The following GNG4 variants were observed in gnomAD, a reference collection of about 807,000 sequenced individuals.
The protein encoded by GNG4 is guanine nucleotide-binding protein G(I)/G(S)/G(O) subunit gamma-4.
GNG4 carries 4 observed loss-of-function variants against 5.8 expected under a neutral mutation model. The observed-to-expected ratio is 0.69, with a 90% CI of 0.34 to 1.57. The LOEUF is 1.57. GNG4 is among the 40% of genes most tolerant of loss of function. The probability of loss-of-function intolerance (pLI) is 0.06; values close to 1 mark genes in which losing one functional copy is unlikely to be tolerated. For synonymous variants in GNG4, 29 were observed against 32.9 expected (o/e 0.88, Z 0.41); for missense variants, 96 against 95.1 (o/e 1.01, Z -0.04).
intron 1 of GNG4, among the ~76,000 whole-genome samples, chr1:235,605,688 A>T (rs1688342614): frequency 6.6e-6 from 1 of 152,092 alleles, no homozygotes; most frequent in Non-Finnish European, 1.5e-5. Flanking sequence ...AGAGAGGGGG[A>T]GTTCCAGGCA....
chr1:235,590,451 T>TG (rs1472092444), intron 2 of GNG4, among the ~76,000 whole-genome samples: 1 of 150,250 alleles, frequency 6.7e-6, no homozygotes, highest in Non-Finnish European at 1.5e-5. Flanking sequence ...TGAGACTGTC[T>TG]GGAAAAAAAA....
chr1:235,563,403 CAAAAAAAAAAAAAAAA>C (rs57471662), intron 3 of GNG4, among the ~76,000 whole-genome samples: 3 of 52,386 alleles, frequency 5.7e-5, no homozygotes, highest in Non-Finnish European at 1.1e-4. Flanking sequence ...GAAACTGTCT[CAAAAAAAAAAAAAAAA>C]AAAAAAAAAA....
intron 1 of GNG4, among the ~76,000 whole-genome samples, chr1:235,600,488 G>A (rs578226698): frequency 3.2e-4 from 49 of 151,588 alleles, no homozygotes; most frequent in African/African-American, 1.0e-3. Context: ...CACCCAGGCC[G>A]GAGTGCAGTG....
intron 3 of GNG4, among the ~76,000 whole-genome samples, chr1:235,569,519 G>A (rs1349030825): frequency 1.3e-5 from 2 of 150,208 alleles, no homozygotes; most frequent in African/African-American, 2.5e-5. Context: ...TGCTTCTTCT[G>A]CCTATATTCT....
At position 235,549,562 on chromosome 1, in the gene GNG4, A is replaced by G. The variant is rs1474136850; in HGVS notation, c.*2547T>C. ...TGATGTTGACGTGAAGCACAGAATA[A>G]AGAGATCCTGGTCATAACTGCACTA... On this transcript the variant is annotated 3_prime_UTR_variant, in exon 4 of 4. Coordinates refer to ENST00000391854, the MANE Select transcript of GNG4 (RefSeq NM_001098722.2). 1 of 152,236 alleles carries G rather than the reference A, an allele frequency of 6.6e-6. No homozygotes were observed. Among genetic ancestry groups the G allele is most frequent in the Non-Finnish European group, 1.5e-5 (1 of 68,052 alleles). 9.4% of individuals were successfully genotyped at this position (152,236 alleles called of 1,614,324 possible). A position where few individuals can be genotyped will look rare whatever the true frequency, so the allele number is the denominator to read the frequency against.
intron 2 of GNG4, 97 bp from the exon 3 acceptor site, chr1:235,583,945 G>A (rs1197398372): frequency 1.6e-6 from 1 of 612,358 alleles, no homozygotes; most frequent in African/African-American, 1.8e-5. Flanking sequence ...TCCAAGCCAG[G>A]GAGCATCTGG....
intron 1 of GNG4, among the ~76,000 whole-genome samples, chr1:235,634,705 G>C (rs944101797): frequency 4.6e-5 from 7 of 152,216 alleles, no homozygotes; most frequent in African/African-American, 1.7e-4. Flanking sequence ...CACTTTGGGA[G>C]GCTGAGGCGG....
intron 1 of GNG4, among the ~76,000 whole-genome samples, chr1:235,634,831 G>C (rs1689002047): frequency 6.6e-6 from 1 of 152,208 alleles, no homozygotes; most frequent in South Asian, 2.1e-4. Context: ...CTACTCGGGA[G>C]GCTGAGGCAG....
At chr1:235,611,665 G>T (rs944847643) in intron 1 of GNG4, among the ~76,000 whole-genome samples, 1 of 152,120 alleles carries the variant, frequency 6.6e-6, no homozygotes, top group Non-Finnish European at 1.5e-5. Flanking sequence ...TTTGAGAAGG[G>T]GGAAAGAGCC....
intron 3 of GNG4, among the ~76,000 whole-genome samples, chr1:235,582,479 A>G (rs915605638): frequency 1.3e-5 from 2 of 152,014 alleles, no homozygotes; most frequent in African/African-American, 4.8e-5. Flanking sequence ...TCGCCTTCAC[A>G]TTTCTCTCCC....
intron 3 of GNG4, among the ~76,000 whole-genome samples, chr1:235,573,696 G>A (rs534887580): frequency 1.3e-5 from 2 of 152,218 alleles, no homozygotes; most frequent in African/African-American, 4.8e-5. Flanking sequence ...AGAATCACTT[G>A]AACCCGAGAG....
At chr1:235,587,387 G>A (rs1402558987) in intron 2 of GNG4, among the ~76,000 whole-genome samples, 1 of 101,352 alleles carries the variant, frequency 9.9e-6, no homozygotes, top group African/African-American at 4.1e-5. Context: ...GTGTGAGCAC[G>A]TGTGTGAGCA....
intron 1 of GNG4, among the ~76,000 whole-genome samples, chr1:235,596,744 G>T (rs535972838): frequency 4.6e-4 from 70 of 151,860 alleles, no homozygotes; most frequent in Admixed American, 7.2e-4. Flanking sequence ...TTTATTTTTT[G>T]AGATAGGGTC....
In GNG4 at chr1:235,590,292, T is replaced by TAAAAATAC. The variant is rs1471865169; in HGVS notation, c.-11+5100_-11+5107dup. On this transcript the variant is annotated intron_variant, in intron 2 of 3. Transcript: ENST00000391854. ...CAATATGGTGAAATCCCCTCTTTACTAAAAATACAAAAATTAGCCAGGCAT... is the reference window on the plus strand; with the variant it reads ...CAATATGGTGAAATCCCCTCTTTACTAAAAATACAAAAATACAAAAATTAGCCAGGCAT... Among the ~76,000 whole-genome samples the TAAAAATAC allele has an allele frequency of 5.3e-5, 8 of 152,138 alleles. 1 individual carries two copies. The highest frequency in any genetic ancestry group is 6.8e-3 in the Middle Eastern group (2 of 294).
At chr1:235,616,972 T>A (rs898749137) in intron 1 of GNG4, among the ~76,000 whole-genome samples, 1 of 147,314 alleles carries the variant, frequency 6.8e-6, no homozygotes, top group Non-Finnish European at 1.5e-5. Flanking sequence ...GGTCTCGAAC[T>A]CCTGACCTCA....
intron 1 of GNG4, among the ~76,000 whole-genome samples, chr1:235,597,588 C>CTGTGTGTGTGTG (rs386417904): frequency 1.3e-5 from 1 of 74,268 alleles, no homozygotes; most frequent in African/African-American, 5.2e-5. Flanking sequence ...AACTTGTTTG[C>CTGTGTGTGTGTG]TGTGTGTGTG....
intron 2 of GNG4, among the ~76,000 whole-genome samples, chr1:235,593,786 T>C (rs1439052168): frequency 6.6e-6 from 1 of 152,038 alleles, no homozygotes; most frequent in Non-Finnish European, 1.5e-5. Context: ...GGGTTTGTGG[T>C]CTCGCTGGCT....
At chr1:235,612,854 C>T (rs1176192844) in intron 1 of GNG4, among the ~76,000 whole-genome samples, 2 of 152,108 alleles carry the variant, frequency 1.3e-5, no homozygotes, top group Non-Finnish European at 2.9e-5. Context: ...AATTTATTCT[C>T]ACAGTTCCCT....
chr1:235,580,739 G>GTTTTTTTTTT lies in GNG4; in HGVS notation c.99+3000_99+3001insAAAAAAAAAA, dbSNP rs1200655746. ...GCACAGCAACATGGCGGCCTATCCCGTTTTTTGTTTTTTTTTTTTTTTTTT... is the reference window on the plus strand; with the variant it reads ...GCACAGCAACATGGCGGCCTATCCCGTTTTTTTTTTTTTTTTGTTTTTTTTTTTTTTTTTT... On this transcript the variant is annotated intron_variant, in intron 3 of 3. Transcript: ENST00000391854. 1.1e-4 allele frequency among the ~76,000 whole-genome samples: 11 copies of GTTTTTTTTTT among 98,048 alleles called. 4 individuals carry two copies. Among genetic ancestry groups the GTTTTTTTTTT allele is most frequent in the Non-Finnish European group, 1.9e-4 (10 of 54,044 alleles). The allele number at this position is 98,048 out of a possible 152,430, so 64.3% of individuals were successfully genotyped here.
Sources: gnomAD v4.1 joint callset for allele counts (sites outside exome capture counted in the v4.1 genomes callset) on GRCh38, gnomAD v4.1.1 for gene constraint, MANE v1.5 for transcripts, NCBI Gene and HGNC (gene_info 2026-07-23, HGNC 2026-07-21) for gene names.